MAN2B2: variants seen among roughly 807,000 people sequenced by gnomAD.
MAN2B2 encodes epididymis-specific alpha-mannosidase.
Under a neutral mutation model 117.1 loss-of-function variants are expected in MAN2B2, and 106 were observed. The ratio of observed to expected loss-of-function variants is 0.90; its 90% CI spans 0.77 to 1.06. MAN2B2 has a LOEUF of 1.06. MAN2B2 is among the 50% of genes least tolerant of loss of function. The pLI is 0.00. For synonymous variants in MAN2B2, 544 were observed against 595.1 expected (o/e 0.91, Z 1.25); for missense variants, 1,326 against 1,381.4 (o/e 0.96, Z 0.64).
intron 4 of MAN2B2, among the ~76,000 whole-genome samples, chr4:6,588,513 G>C (rs376675600): frequency 6.6e-6 from 1 of 152,058 alleles, no homozygotes; most frequent in Non-Finnish European, 1.5e-5. Context: ...TCAAGAGTTC[G>C]AAACCAGCCT....
At chr4:6,609,005 G>C in intron 11 of MAN2B2, 102 bp from the exon 12 acceptor site, 1 of 1,093,166 alleles carries the variant, frequency 9.1e-7, no homozygotes, top group Non-Finnish European at 1.3e-6. Flanking sequence ...TGAGTGCTAC[G>C]CAGGCCACTC....
At chr4:6,610,169 T>A in intron 13 of MAN2B2, 119 bp downstream of exon 13, 1 of 1,398,164 alleles carries the variant, frequency 7.2e-7, no homozygotes, top group African/African-American at 1.5e-5. Context: ...TTTTTTCCTT[T>A]TTTTTAAGAT....
At chr4:6,578,033 C>T (rs536076379) in intron 2 of MAN2B2, among the ~76,000 whole-genome samples, 3 of 151,644 alleles carry the variant, frequency 2.0e-5, no homozygotes, top group East Asian at 1.9e-4. Flanking sequence ...TGTGTAGAGA[C>T]GGGGATGTTA....
intron 3 of MAN2B2, among the ~76,000 whole-genome samples, chr4:6,580,617 G>A (rs768392182): frequency 8.5e-5 from 13 of 152,212 alleles, no homozygotes; most frequent in East Asian, 1.9e-4. Context: ...AGCCCCTCCC[G>A]CAGGAAATCT....
At position 6,610,910 on chromosome 4, in the gene MAN2B2, A is replaced by T; in HGVS notation, c.2290A>T (p.Met764Leu). The change falls in exon 14 of 19, where the codon ATG becomes TTG. Residue 764 changes from methionine (M) to leucine (L), a missense_variant. Transcript: ENST00000285599. ...NYYPMVQSAF[M>L]EDGKSRLVLL... ...CTACCCCATGGTTCAGTCGGCCTTC[A>T]TGGAGGATGGCAAAAGCAGGCTTGT... 1 of 1,614,192 alleles carries T rather than the reference A, an allele frequency of 6.2e-7. No individual in the cohort carries two copies. The highest frequency in any genetic ancestry group is 1.1e-5 in the South Asian group (1 of 91,086).
intron 16 of MAN2B2, 93 bp downstream of exon 16, chr4:6,614,448 AGCTATCATG>A: frequency 6.8e-7 from 1 of 1,464,068 alleles, no homozygotes; most frequent in Non-Finnish European, 9.3e-7. Flanking sequence ...CTCACCTTAG[AGCTATCATG>A]GCTCTGCAAG....
intron 3 of MAN2B2, among the ~76,000 whole-genome samples, chr4:6,579,210 TCACCACCACCACCAC>T (rs1298854364): frequency 9.3e-5 from 2 of 21,518 alleles, no homozygotes; most frequent in South Asian, 2.3e-3. Context: ...ACCATCACCA[TCACCACCACCACCAC>T]CACCATCACC....
At chr4:6,591,710 G>A (rs12507418) in intron 5 of MAN2B2, among the ~76,000 whole-genome samples, 58,187 of 151,960 alleles carry the variant, frequency 0.38, 11,476 homozygotes, top group Middle Eastern at 0.49. Context: ...TTTTAGCCTC[G>A]CTGTACACCT....
intron 2 of MAN2B2, among the ~76,000 whole-genome samples, chr4:6,577,273 T>A (rs1474086149): frequency 6.6e-6 from 1 of 152,180 alleles, no homozygotes; most frequent in Non-Finnish European, 1.5e-5. Flanking sequence ...CAGATTCCAC[T>A]TCTATTAAAC....
Position 6,609,958 on chromosome 4 carries a change from C to T in MAN2B2, c.2167C>T (p.Leu723=), listed in dbSNP as rs1727703833. The T allele has an allele frequency of 9.3e-6, 15 of 1,614,184 alleles. No homozygotes were observed. Among genetic ancestry groups the T allele is most frequent in the Non-Finnish European group, 1.3e-5 (15 of 1,180,032 alleles). The change falls in exon 13 of 19, where the codon CTA becomes TTA. Residue 723 remains leucine, a synonymous_variant. Coordinates refer to ENST00000285599, the MANE Select transcript of MAN2B2 (RefSeq NM_015274.3). Reference sequence around the variant, plus strand: ...GGCTGTCCTGAGGACCAGCACCAACCTAAACAGCCAGCAGGTCATCTACTC... The same window carrying T: ...GGCTGTCCTGAGGACCAGCACCAACTTAAACAGCCAGCAGGTCATCTACTC... ...REAVLRTSTN[L]NSQQVIYSDN...
intron 5 of MAN2B2, 108 bp downstream of exon 5, chr4:6,589,268 T>C: frequency 1.2e-6 from 1 of 823,884 alleles, no homozygotes; most frequent in Non-Finnish European, 2.0e-6. Flanking sequence ...AGACAAGAGC[T>C]TCTGCTCTGT....
At chr4:6,600,790 G>C (rs1412442380) in intron 10 of MAN2B2, 34 bp downstream of exon 10, 4 of 1,609,524 alleles carry the variant, frequency 2.5e-6, no homozygotes, top group Non-Finnish European at 3.4e-6. Context: ...AGGGGCCTTA[G>C]CTGCTTGCTG....
intron 13 of MAN2B2, among the ~76,000 whole-genome samples, chr4:6,610,364 C>G (rs1469570202): frequency 6.6e-6 from 1 of 152,130 alleles, no homozygotes; most frequent in East Asian, 1.9e-4. Context: ...ACAATGATGG[C>G]CAGGCTGGTC....
intron 7 of MAN2B2, among the ~76,000 whole-genome samples, chr4:6,596,297 T>C (rs934078793): frequency 1.6e-4 from 24 of 152,088 alleles, no homozygotes; most frequent in African/African-American, 5.3e-4. Context: ...ACTCTCAACA[T>C]GGCTGCAAAG....
chr4:6,585,316 T>TG (rs1159117462), intron 3 of MAN2B2, among the ~76,000 whole-genome samples: 2 of 152,164 alleles, frequency 1.3e-5, no homozygotes, highest in African/African-American at 4.8e-5. Flanking sequence ...TGAAAGGCAG[T>TG]TTGACTCTAG....
chr4:6,583,436 GGAA>G (rs1726517376), intron 3 of MAN2B2, among the ~76,000 whole-genome samples: 1 of 152,180 alleles, frequency 6.6e-6, no homozygotes, highest in Non-Finnish European at 1.5e-5. Context: ...GTTACTAAAA[GGAA>G]GAAGGACAGA....
chr4:6,596,389 C>G (rs1163472796), intron 7 of MAN2B2, among the ~76,000 whole-genome samples: 2 of 152,132 alleles, frequency 1.3e-5, no homozygotes, highest in African/African-American at 4.8e-5. Flanking sequence ...GGTTCAGGAC[C>G]AGTGGGGGAA....
In MAN2B2 at chr4:6,600,146, G is replaced by A. The variant is rs113912786; in HGVS notation, c.1406-477G>A. On this transcript the variant is annotated intron_variant, in intron 9 of 18. Transcript: ENST00000285599. ...AGGATGCAACAGAAAGAGAGGCCAG[G>A]TCCTCATCACAGGGACCTAAAATGC... 3.3e-3 allele frequency among the ~76,000 whole-genome samples: 506 copies of A among 152,284 alleles called. 2 individuals are homozygous for A. Among genetic ancestry groups the A allele is most frequent in the South Asian group, 0.013 (62 of 4,826 alleles).
chr4:6,585,051 C>A (rs927623478), intron 3 of MAN2B2, among the ~76,000 whole-genome samples: 1 of 152,160 alleles, frequency 6.6e-6, no homozygotes, highest in Non-Finnish European at 1.5e-5. Flanking sequence ...GTGCTCCCCC[C>A]ACCCTCTGGC....
Sources: gnomAD v4.1 joint callset for allele counts (sites outside exome capture counted in the v4.1 genomes callset) on GRCh38, gnomAD v4.1.1 for gene constraint, MANE v1.5 for transcripts, NCBI Gene and HGNC (gene_info 2026-07-23, HGNC 2026-07-21) for gene names.